Variants in KCNMA1 observed in about 807,000 individuals in gnomAD.
KCNMA1 encodes the protein Calcium-activated potassium channel subunit alpha-1.
In KCNMA1, 29 loss-of-function variants were observed where a neutral mutation model predicts 140.0. The ratio of observed to expected loss-of-function variants is 0.21; its 90% CI spans 0.15 to 0.28. KCNMA1 has a LOEUF of 0.28. Among genes scored for constraint, KCNMA1 ranks in the 10% least tolerant of loss-of-function variants. KCNMA1 has a pLI of 1.00. For synonymous variants in KCNMA1, 612 were observed against 611.9 expected, an observed-to-expected ratio of 1.00 and a Z score of 0.00; for missense variants, 880 against 1,602.2, an observed-to-expected ratio of 0.55 and a Z score of 7.70.
chr10:77,324,971 C>CTGTGTGTGTGTG (rs144907110), intron 2 of KCNMA1, among the ~76,000 whole-genome samples: 4 of 90,378 alleles, frequency 4.4e-5, no homozygotes, highest in African/African-American at 9.3e-5. Context: ...CTCTCTCTCT[C>CTGTGTGTGTGTG]TGTGTGTGTG....
downstream of KCNMA1, chr10:76,883,907 G>T: frequency 3.2e-6 from 2 of 626,054 alleles, no homozygotes; most frequent in Non-Finnish European, 4.0e-6. Flanking sequence ...TAGTAATTTT[G>T]GCAAATAAAA....
At chr10:77,462,141 C>A (rs1243301994) in intron 1 of KCNMA1, among the ~76,000 whole-genome samples, 1 of 152,110 alleles carries the variant, frequency 6.6e-6, no homozygotes, top group East Asian at 1.9e-4. Context: ...TACATGCACA[C>A]ACATACACGC....
chr10:77,466,073 G>A (rs148044802), intron 1 of KCNMA1, among the ~76,000 whole-genome samples: 3 of 152,142 alleles, frequency 2.0e-5, no homozygotes, highest in Non-Finnish European at 4.4e-5. Flanking sequence ...CAGGAACTAA[G>A]GCAAAAATAG....
At chr10:77,130,947 A>G (rs2097846496) in intron 5 of KCNMA1, among the ~76,000 whole-genome samples, 1 of 152,154 alleles carries the variant, frequency 6.6e-6, no homozygotes, top group Non-Finnish European at 1.5e-5. Context: ...ATACATAAAG[A>G]CTGAGGTTGA....
chr10:77,628,024 C>A (rs2092744652), intron 1 of KCNMA1, among the ~76,000 whole-genome samples: 1 of 151,984 alleles, frequency 6.6e-6, no homozygotes, highest in South Asian at 2.1e-4. Context: ...CCCCCAGCCC[C>A]AGTTCACTCC....
At chr10:77,346,209 C>T (rs2092103549) in intron 2 of KCNMA1, among the ~76,000 whole-genome samples, 1 of 152,132 alleles carries the variant, frequency 6.6e-6, no homozygotes, top group African/African-American at 2.4e-5. Context: ...CTTTGCTGAG[C>T]AATTTAAAAC....
At chr10:76,903,890 G>A (rs1047512786) in intron 25 of KCNMA1, 2 of 152,084 alleles carry the variant, frequency 1.3e-5, no homozygotes, top group African/African-American at 2.4e-5. Flanking sequence ...TATTAAAGAT[G>A]AGAACATGGA....
chr10:77,607,203 A>G (rs1048983847), intron 1 of KCNMA1, among the ~76,000 whole-genome samples: 8 of 152,214 alleles, frequency 5.3e-5, no homozygotes, highest in African/African-American at 1.7e-4. Flanking sequence ...ATCACTTAGG[A>G]GCAATAAAGG....
chr10:77,636,625 G>C (rs2093768368), intron 1 of KCNMA1: 1 of 1,535,962 alleles, frequency 6.5e-7, no homozygotes, highest in Admixed American at 2.0e-5. Context: ...CATTCCAAAA[G>C]TGGCAGCCCC....
Position 77,417,268 on chromosome 10 carries a change from T to C in KCNMA1, c.379-13245A>G, listed in dbSNP as rs1174640181. Among the ~76,000 whole-genome samples the C allele has an allele frequency of 2.6e-5, 4 of 152,216 alleles. No homozygotes were observed. The East Asian group carries it at 7.7e-4, about 29-fold the overall frequency. ...TTAGCTGTCTTTTGGTCCATGCATGTTGCATTGCCCCAGTTAGCCTGGACA... is the reference window on the plus strand; with the variant it reads ...TTAGCTGTCTTTTGGTCCATGCATGCTGCATTGCCCCAGTTAGCCTGGACA... On this transcript the variant is annotated intron_variant, in intron 1 of 27. Coordinates refer to ENST00000286628, the MANE Select transcript of KCNMA1 (RefSeq NM_001161352.2).
chr10:77,204,934 A>G (rs1387825844), intron 3 of KCNMA1, among the ~76,000 whole-genome samples: 1 of 152,134 alleles, frequency 6.6e-6, no homozygotes, highest in Non-Finnish European at 1.5e-5. Context: ...CCACATTCTG[A>G]TGATTTAATC....
At chr10:77,221,907 G>C (rs1184926294) in intron 3 of KCNMA1, among the ~76,000 whole-genome samples, 4 of 152,194 alleles carry the variant, frequency 2.6e-5, no homozygotes, top group African/African-American at 7.2e-5. Context: ...GAGCCAGACA[G>C]ATGCAGGTTC....
At chr10:77,319,180 T>C (rs572098171) in intron 2 of KCNMA1, among the ~76,000 whole-genome samples, 1 of 152,268 alleles carries the variant, frequency 6.6e-6, no homozygotes, top group East Asian at 1.9e-4. Context: ...GGCCCATGTA[T>C]ACAGCATCTT....
chr10:77,211,358 G>C (rs535499856), intron 3 of KCNMA1, among the ~76,000 whole-genome samples: 5 of 152,256 alleles, frequency 3.3e-5, no homozygotes, highest in African/African-American at 1.2e-4. Context: ...GTGGGGAAGG[G>C]ACTCTCTATT....
intron 2 of KCNMA1, among the ~76,000 whole-genome samples, chr10:77,359,293 G>A (rs1038141479): frequency 6.6e-6 from 1 of 152,176 alleles, no homozygotes; most frequent in Non-Finnish European, 1.5e-5. Flanking sequence ...AAGAAGAAAC[G>A]AGTGTGTCGG....
intron 1 of KCNMA1, among the ~76,000 whole-genome samples, chr10:77,594,759 G>A (rs1314202839): frequency 6.6e-6 from 1 of 152,210 alleles, no homozygotes; most frequent in Non-Finnish European, 1.5e-5. Flanking sequence ...CCAGTTAGAT[G>A]GACTGGAAGA....
chr10:77,519,952 T>C (rs57722347), intron 1 of KCNMA1, among the ~76,000 whole-genome samples: 23,286 of 150,080 alleles, frequency 0.16, 2,520 homozygotes, highest in East Asian at 0.51. Flanking sequence ...GGGTATGCAG[T>C]GTGAGGTCTG....
chr10:77,163,205 G>C (rs536992077), intron 5 of KCNMA1, among the ~76,000 whole-genome samples: 5 of 152,216 alleles, frequency 3.3e-5, no homozygotes, highest in Admixed American at 2.0e-4. Context: ...TTTTAAAACA[G>C]CTAAAAAAAT....
intron 1 of KCNMA1, chr10:77,634,535 T>G: frequency 1.5e-5 from 15 of 984,992 alleles, no homozygotes; most frequent in Non-Finnish European, 1.8e-5. Context: ...CTGAATTTTA[T>G]CTCCCACAGA....
Sources: allele counts gnomAD v4.1 joint callset (sites outside exome capture counted in the v4.1 genomes callset), GRCh38; gene constraint gnomAD v4.1.1; transcripts MANE v1.5; gene names NCBI Gene and HGNC (gene_info 2026-07-23, HGNC 2026-07-21).